Variants in CHMP4C observed in about 807,000 individuals in gnomAD.
CHMP4C encodes the protein charged multivesicular body protein 4C, also known as SNF7 homolog associated with Alix 3.
CHMP4C carries 28 observed loss-of-function variants against 29.0 expected under a neutral mutation model. That is an observed-to-expected ratio of 0.97 (90% CI 0.72 to 1.32). The LOEUF is 1.32. CHMP4C is among the 40% of genes most tolerant of loss of function. The probability of loss-of-function intolerance (pLI) is 0.00; values close to 1 mark genes in which losing one functional copy is unlikely to be tolerated. For synonymous variants in CHMP4C, 106 were observed against 102.4 expected (o/e 1.04, Z -0.21); for missense variants, 291 against 281.0 (o/e 1.04, Z -0.25).
At chr8:81,755,319 CATAATT>C (rs1283390522) in intron 2 of CHMP4C, 45 bp from the exon 3 acceptor site, 2 of 1,003,306 alleles carry the variant, frequency 2.0e-6, no homozygotes, top group East Asian at 5.4e-5. Flanking sequence ...TATCTAAATT[CATAATT>C]ATAAGTTAAA....
rs200107733 is a variant in CHMP4C, at chr8:81,758,508, T to A, written c.666T>A (p.Asp222Glu). The change falls in exon 5 of 5, where the codon GAT becomes GAA. Residue 222 changes from aspartate to glutamate, a missense_variant. By Grantham distance (45) the Asp-to-Glu change is conservative. Coordinates refer to ENST00000297265, the MANE Select transcript of CHMP4C (RefSeq NM_152284.4). ...CTTCCCAGAGGGCAGAAGAAGAGGA[T>A]GATGATATCAAACAATTGGCAGCTT... Reference protein sequence around the residue: ...AASSQRAEEEDDDIKQLAAWA... With the variant: ...AASSQRAEEEEDDIKQLAAWA... 3.1e-6 allele frequency: 5 copies of A among 1,613,362 alleles called. No individual in the cohort carries two copies. Among genetic ancestry groups the A allele is most frequent in the Non-Finnish European group, 3.4e-6 (4 of 1,179,376 alleles).
intron 1 of CHMP4C, among the ~76,000 whole-genome samples, chr8:81,736,303 G>A (rs201636022): frequency 6.7e-6 from 1 of 150,312 alleles, no homozygotes; most frequent in East Asian, 2.0e-4. Context: ...CCACAGGCAC[G>A]CACTACCACA....
chr8:81,747,983 G>GGA (rs1563621193), intron 1 of CHMP4C, among the ~76,000 whole-genome samples: 1 of 152,114 alleles, frequency 6.6e-6, no homozygotes, highest in Non-Finnish European at 1.5e-5. Context: ...ATGGGAGACC[G>GGA]GAGTCTATCT....
At position 81,758,473 on chromosome 8, in the gene CHMP4C, G is replaced by T. The variant is rs751434674; in HGVS notation, c.638-7G>T. 1 of 1,610,002 alleles carries T rather than the reference G, an allele frequency of 6.2e-7. No homozygotes were observed. On this transcript the variant is annotated splice_region_variant and splice_polypyrimidine_tract_variant and intron_variant, in intron 4 of 4. Transcript: ENST00000297265. ...AATTACTAATTTTTATCTATTTTAT[G>T]TTCCAGCATCTTCCCAGAGGGCAGA...
chr8:81,743,614 A>C (rs1358991637), intron 1 of CHMP4C, among the ~76,000 whole-genome samples: 1 of 152,196 alleles, frequency 6.6e-6, no homozygotes, highest in Non-Finnish European at 1.5e-5. Flanking sequence ...AATTAATTAC[A>C]AGAGATGAGA....
intron 1 of CHMP4C, among the ~76,000 whole-genome samples, chr8:81,749,344 C>T (rs144005908): frequency 1.3e-5 from 2 of 152,290 alleles, no homozygotes; most frequent in African/African-American, 4.8e-5. Flanking sequence ...ACATAATGCA[C>T]ATAAAGCACT....
At position 81,737,315 on chromosome 8, in the gene CHMP4C, A is replaced by T. The variant is rs539823413; in HGVS notation, c.190+4499A>T. ...TTTAAAGTGCCCCCACCTGATTCTG[A>T]CCTGTGGGCCAGGGTTAAGGATGGG... On this transcript the variant is annotated intron_variant, in intron 1 of 4. Transcript: ENST00000297265. Among the ~76,000 whole-genome samples the T allele has an allele frequency of 1.2e-4, 18 of 152,134 alleles. 1 individual carries two copies. The East Asian group carries it at 3.5e-3, about 29-fold the overall frequency.
chr8:81,755,569 C>G lies in CHMP4C; in HGVS notation c.483+85C>G, dbSNP rs1808962087. 5 of 668,450 alleles carry G rather than the reference C, an allele frequency of 7.5e-6. No homozygotes were observed. The Admixed American group carries it at 9.5e-5, about 13-fold the overall frequency. The allele number at this position is 668,450 out of a possible 1,614,324, so 41.4% of individuals were successfully genotyped here. ...CATATATAGTAGGCATGTTCCCTTA[C>G]TACTGAAAGAACAAGTGATATTTGT... On this transcript the variant is annotated intron_variant, in intron 3 of 4. Coordinates refer to ENST00000297265, the MANE Select transcript of CHMP4C (RefSeq NM_152284.4).
At chr8:81,750,370 G>A (rs1465289899) in intron 1 of CHMP4C, among the ~76,000 whole-genome samples, 2 of 151,908 alleles carry the variant, frequency 1.3e-5, no homozygotes, top group Admixed American at 6.6e-5. Flanking sequence ...GAGGCCAAGG[G>A]GAGTAGGATT....
At chr8:81,741,011 T>C (rs763416851) in intron 1 of CHMP4C, among the ~76,000 whole-genome samples, 3 of 152,234 alleles carry the variant, frequency 2.0e-5, no homozygotes, top group Non-Finnish European at 4.4e-5. Flanking sequence ...TCATATTGGC[T>C]TAGGGTAATC....
chr8:81,742,219 T>A (rs1003535100), intron 1 of CHMP4C, among the ~76,000 whole-genome samples: 4 of 152,092 alleles, frequency 2.6e-5, no homozygotes, highest in African/African-American at 9.7e-5. Flanking sequence ...ACCTCCAACA[T>A]CTCTTCCCCA....
At chr8:81,738,321 CTG>C in intron 1 of CHMP4C, among the ~76,000 whole-genome samples, 1 of 152,316 alleles carries the variant, frequency 6.6e-6, no homozygotes, top group South Asian at 2.1e-4. Context: ...CCAGTGAAAA[CTG>C]GGTTCAGAAG....
intron 3 of CHMP4C, among the ~76,000 whole-genome samples, chr8:81,757,521 G>T (rs574980583): frequency 1.7e-4 from 26 of 152,260 alleles, no homozygotes; most frequent in African/African-American, 6.0e-4. Context: ...AACTAGCCTT[G>T]TCTCTCAAAA....
intron 1 of CHMP4C, among the ~76,000 whole-genome samples, chr8:81,735,806 G>A (rs1232633730): frequency 6.6e-6 from 1 of 152,078 alleles, no homozygotes; most frequent in Non-Finnish European, 1.5e-5. Flanking sequence ...TAGAAATGGG[G>A]CAGGACATGG....
chr8:81,748,731 T>C (rs1808861191), intron 1 of CHMP4C, among the ~76,000 whole-genome samples: 2 of 152,004 alleles, frequency 1.3e-5, no homozygotes, highest in South Asian at 4.1e-4. Flanking sequence ...GATTGGACCA[T>C]CCTGGCCAAC....
chr8:81,746,104 A>G (rs553537181), intron 1 of CHMP4C, among the ~76,000 whole-genome samples: 1 of 152,272 alleles, frequency 6.6e-6, no homozygotes, highest in African/African-American at 2.4e-5. Flanking sequence ...AGAGACTCAC[A>G]TACACTTCTT....
In CHMP4C at chr8:81,732,656, G is replaced by C; in HGVS notation, c.30G>C (p.Gly10=). MSKLGKFFK[G]GGSSKSRAAP... The stretch of plus-strand genomic sequence containing the variant: ...GCAAGTTGGGCAAGTTCTTTAAAGG[G>C]GGCGGCTCTTCTAAGAGCCGAGCCG... Residue 10 remains glycine (G), a synonymous_variant, in exon 1 of 5, where the codon GGG becomes GGC. Transcript: ENST00000297265. 6.4e-7 allele frequency: 1 copy of C among 1,562,152 alleles called. No homozygotes were observed. The highest frequency in any genetic ancestry group is 8.7e-7 in the Non-Finnish European group (1 of 1,153,592).
At chr8:81,744,034 C>A (rs1284448543) in intron 1 of CHMP4C, among the ~76,000 whole-genome samples, 1 of 152,180 alleles carries the variant, frequency 6.6e-6, no homozygotes, top group African/African-American at 2.4e-5. Context: ...TTACTTTCTG[C>A]AATCTCATTC....
At chr8:81,753,295 A>G in intron 2 of CHMP4C, 54 bp downstream of exon 2, 7 of 1,374,724 alleles carry the variant, frequency 5.1e-6, no homozygotes, top group Non-Finnish European at 6.8e-6. Context: ...GTTGGGAAGA[A>G]CCTTTGGAAC....
Sources: allele counts gnomAD v4.1 joint callset (sites outside exome capture counted in the v4.1 genomes callset), GRCh38; gene constraint gnomAD v4.1.1; transcripts MANE v1.5; gene names NCBI Gene and HGNC (gene_info 2026-07-23, HGNC 2026-07-21).